MYOZ2: variants seen among roughly 807,000 people sequenced by gnomAD.
MYOZ2 encodes the protein myozenin-2.
MYOZ2 carries 19 observed loss-of-function variants against 25.4 expected under a neutral mutation model. The ratio of observed to expected loss-of-function variants is 0.75; its 90% CI spans 0.52 to 1.10. MYOZ2 has a LOEUF of 1.10. MYOZ2 is among the 50% of genes least tolerant of loss of function. MYOZ2 has a pLI of 0.00. For missense variants in MYOZ2, 270 were observed against 317.9 expected (o/e 0.85, Z 1.15); for synonymous variants, 92 against 106.9 (o/e 0.86, Z 0.86).
At chr4:119,160,869 G>A (rs1741692604) in intron 4 of MYOZ2, among the ~76,000 whole-genome samples, 1 of 151,776 alleles carries the variant, frequency 6.6e-6, no homozygotes, top group South Asian at 2.1e-4. Flanking sequence ...TGTGTTGGAA[G>A]TATTCAATAT....
intron 2 of MYOZ2, among the ~76,000 whole-genome samples, chr4:119,144,972 C>CT (rs1258604827): frequency 2.0e-5 from 3 of 152,066 alleles, no homozygotes; most frequent in Non-Finnish European, 4.4e-5. Context: ...TCAATTATTC[C>CT]TTTTATGGAT....
At chr4:119,167,773 T>C (rs1741856012) in intron 5 of MYOZ2, among the ~76,000 whole-genome samples, 2 of 152,212 alleles carry the variant, frequency 1.3e-5, no homozygotes, top group African/African-American at 4.8e-5. Context: ...TCATGCTAAA[T>C]CTCTGTCTGT....
intron 2 of MYOZ2, among the ~76,000 whole-genome samples, chr4:119,138,966 A>C (rs1741099510): frequency 6.6e-6 from 1 of 152,198 alleles, no homozygotes; most frequent in African/African-American, 2.4e-5. Flanking sequence ...TCATTCCATC[A>C]GGAGTGATAA....
chr4:119,148,624 T>G (rs1741365263), intron 2 of MYOZ2, among the ~76,000 whole-genome samples: 1 of 152,092 alleles, frequency 6.6e-6, no homozygotes, highest in African/African-American at 2.4e-5. Flanking sequence ...CCCCCTCTAT[T>G]TTACTATTGA....
At chr4:119,140,125 A>G (rs752596079) in intron 2 of MYOZ2, among the ~76,000 whole-genome samples, 12 of 152,216 alleles carry the variant, frequency 7.9e-5, no homozygotes, top group Non-Finnish European at 1.5e-4. Context: ...ATAAAATTCC[A>G]TGATTCTAAT....
chr4:119,138,887 G>A (rs550675011), intron 2 of MYOZ2, among the ~76,000 whole-genome samples: 49 of 152,166 alleles, frequency 3.2e-4, no homozygotes, highest in African/African-American at 9.9e-4. Context: ...GATTGCAGCC[G>A]GTGAGTCTTT....
chr4:119,167,138 T>C (rs1578740196), intron 5 of MYOZ2, among the ~76,000 whole-genome samples: 1 of 152,228 alleles, frequency 6.6e-6, no homozygotes. Flanking sequence ...GCTAGGCCTC[T>C]TGTGCCAGTT....
intron 4 of MYOZ2, among the ~76,000 whole-genome samples, chr4:119,161,190 A>C (rs1741701218): frequency 6.6e-6 from 1 of 152,136 alleles, no homozygotes. Flanking sequence ...TTATGTACCT[A>C]TTTAGAGCTA....
intron 2 of MYOZ2, among the ~76,000 whole-genome samples, chr4:119,149,430 G>A (rs1431421722): frequency 6.6e-6 from 1 of 152,188 alleles, no homozygotes; most frequent in African/African-American, 2.4e-5. Flanking sequence ...CTAAAGTAGC[G>A]CAGCCATTGT....
chr4:119,139,079 CA>C (rs770365374), intron 2 of MYOZ2, among the ~76,000 whole-genome samples: 7 of 152,118 alleles, frequency 4.6e-5, no homozygotes, highest in Non-Finnish European at 7.4e-5. Context: ...ATCACAACCC[CA>C]AATTGTTGCT....
chr4:119,150,880 G>A lies in MYOZ2; in HGVS notation c.85G>A (p.Gly29Ser). The A allele has an allele frequency of 1.2e-6, 2 of 1,613,600 alleles. No homozygotes were observed. The highest frequency in any genetic ancestry group is 1.3e-5 in the African/African-American group (1 of 74,994). ...TGAATATTGTTTTACAGATGTTGAT[G>A]GCATGGACCTGGGCAAAAAGGTCAG... Reference protein sequence around the residue: ...MKEVHGNDVDGMDLGKKVSIP... With the variant: ...MKEVHGNDVDSMDLGKKVSIP... Residue 29 changes from glycine (G) to serine (S), a missense_variant, in exon 3 of 6, where the codon GGC (glycine) becomes AGC (serine). Physicochemically the swap from Gly to Ser is moderately conservative, Grantham distance 56. Transcript: ENST00000307128.
At chr4:119,166,412 G>A (rs373384371) in intron 5 of MYOZ2, among the ~76,000 whole-genome samples, 4 of 152,002 alleles carry the variant, frequency 2.6e-5, no homozygotes, top group African/African-American at 7.2e-5. Flanking sequence ...AAAGTGAGGC[G>A]AGAGGGTCGC....
At chr4:119,157,534 G>A (rs890737621) in intron 3 of MYOZ2, among the ~76,000 whole-genome samples, 1 of 152,010 alleles carries the variant, frequency 6.6e-6, no homozygotes. Flanking sequence ...TATGATTGCC[G>A]TTGAAATTTC....
intron 2 of MYOZ2, among the ~76,000 whole-genome samples, chr4:119,147,218 C>A (rs966139156): frequency 2.6e-5 from 4 of 151,660 alleles, no homozygotes; most frequent in African/African-American, 9.7e-5. Flanking sequence ...TGTCTTAGAG[C>A]TTAAGTATGT....
chr4:119,156,065 A>G (rs7669431), intron 3 of MYOZ2, among the ~76,000 whole-genome samples: 89,724 of 151,868 alleles, frequency 0.59, 28,809 homozygotes, highest in Non-Finnish European at 0.72. Context: ...CTAGTAAATG[A>G]AACAGGACAC....
chr4:119,144,004 A>G (rs969390507), intron 2 of MYOZ2, among the ~76,000 whole-genome samples: 10 of 152,324 alleles, frequency 6.6e-5, no homozygotes, highest in African/African-American at 2.2e-4. Context: ...GAGCAAAACT[A>G]TAGTACAATA....
intron 5 of MYOZ2, among the ~76,000 whole-genome samples, chr4:119,174,235 A>G (rs1478616934): frequency 1.3e-5 from 2 of 152,236 alleles, no homozygotes; most frequent in South Asian, 2.1e-4. Context: ...CTCTAGGTGA[A>G]GCCAGCTGGG....
chr4:119,136,642 A>G (rs1309572787), intron 2 of MYOZ2, 41 bp downstream of exon 2: 1 of 1,563,816 alleles, frequency 6.4e-7, no homozygotes, highest in East Asian at 2.3e-5. Flanking sequence ...ATAGCACAGC[A>G]TGAATGTGGC....
intron 3 of MYOZ2, among the ~76,000 whole-genome samples, chr4:119,157,310 G>A (rs979697469): frequency 2.0e-5 from 3 of 152,018 alleles, no homozygotes; most frequent in African/African-American, 7.2e-5. Context: ...AACCTACTAC[G>A]ATGTCTATTT....
Sources: gnomAD v4.1 joint callset for allele counts (sites outside exome capture counted in the v4.1 genomes callset) on GRCh38, gnomAD v4.1.1 for gene constraint, MANE v1.5 for transcripts, NCBI Gene and HGNC (gene_info 2026-07-23, HGNC 2026-07-21) for gene names.